CDH8: variants seen among roughly 807,000 people sequenced by gnomAD.
CDH8 encodes cadherin-8.
A neutral mutation model predicts 68.1 loss-of-function variants in CDH8; 17 were observed. That is an observed-to-expected ratio of 0.25 (90% CI 0.17 to 0.37). The LOEUF (loss-of-function observed/expected upper bound fraction) is 0.37, where lower values mean the gene tolerates loss of function less well. Ranked by LOEUF, CDH8 falls within the 10% of genes least tolerant of loss-of-function variation. CDH8 has a pLI of 1.00. For missense variants in CDH8, 763 were observed against 999.3 expected (o/e 0.76, Z 3.19); for synonymous variants, 372 against 365.1 (o/e 1.02, Z -0.21).
intron 8 of CDH8, 59 bp downstream of exon 8, chr16:61,789,287 A>AATAACGTG: frequency 1.4e-6 from 2 of 1,467,402 alleles, no homozygotes; most frequent in East Asian, 2.4e-5. Flanking sequence ...TCACGTTATT[A>AATAACGTG]ATAAGCATAA....
chr16:61,761,735 G>T (rs1206749890), intron 8 of CDH8, among the ~76,000 whole-genome samples: 1 of 152,096 alleles, frequency 6.6e-6, no homozygotes, highest in Non-Finnish European at 1.5e-5. Flanking sequence ...AGGTGCAGTG[G>T]CTCATGTCTG....
At chr16:61,835,271 C>T (rs998070858) in intron 4 of CDH8, among the ~76,000 whole-genome samples, 1 of 151,888 alleles carries the variant, frequency 6.6e-6, no homozygotes, top group African/African-American at 2.4e-5. Flanking sequence ...TACTTCCTTA[C>T]ATGTGAGTTT....
chr16:61,979,220 T>G (rs1965491318), intron 2 of CDH8, among the ~76,000 whole-genome samples: 2 of 152,162 alleles, frequency 1.3e-5, no homozygotes, highest in South Asian at 4.1e-4. Context: ...ATACAGGACT[T>G]TTGGGATTGG....
At chr16:61,929,466 G>A (rs1964506973) in intron 2 of CDH8, among the ~76,000 whole-genome samples, 1 of 152,114 alleles carries the variant, frequency 6.6e-6, no homozygotes, top group South Asian at 2.1e-4. Flanking sequence ...CGCCTACATG[G>A]ATTCGAGATT....
intron 3 of CDH8, among the ~76,000 whole-genome samples, chr16:61,894,080 A>G (rs1353076054): frequency 2.6e-5 from 4 of 152,174 alleles, no homozygotes; most frequent in Non-Finnish European, 5.9e-5. Flanking sequence ...AAAAAAAACT[A>G]TGATGGAGAT....
intron 2 of CDH8, among the ~76,000 whole-genome samples, chr16:61,960,845 T>C (rs566128851): frequency 6.6e-6 from 1 of 152,292 alleles, no homozygotes; most frequent in African/African-American, 2.4e-5. Context: ...AGCTTCAAGA[T>C]TGTTCACCTC....
Position 61,919,297 on chromosome 16 carries a change from G to A in CDH8, c.253-17824C>T, listed in dbSNP as rs1307982259. ...AGGAACGCAGTTCCTCACCAGCAAC[G>A]GAACAAAGCTGGACGGAGAATGACT... is the stretch of plus-strand genomic sequence containing the variant. On this transcript the variant is annotated intron_variant, in intron 2 of 11. Transcript: ENST00000577390. Among the ~76,000 whole-genome samples the A allele has an allele frequency of 4.1e-5, 6 of 147,622 alleles. 1 individual carries two copies. Among genetic ancestry groups the A allele is most frequent in the East Asian group, 2.2e-4 (1 of 4,532 alleles).
chr16:61,881,066 G>A (rs943952485), intron 3 of CDH8, among the ~76,000 whole-genome samples: 10 of 152,040 alleles, frequency 6.6e-5, no homozygotes, highest in Non-Finnish European at 1.0e-4. Flanking sequence ...TTGCCCAGTC[G>A]AGTCCCAGAT....
intron 10 of CDH8, among the ~76,000 whole-genome samples, chr16:61,697,446 C>T (rs972507055): frequency 6.6e-6 from 1 of 151,952 alleles, no homozygotes; most frequent in Non-Finnish European, 1.5e-5. Context: ...CATCTCTTAT[C>T]CACAAACACC....
intron 3 of CDH8, among the ~76,000 whole-genome samples, chr16:61,874,334 C>T (rs535266804): frequency 4.6e-5 from 7 of 151,784 alleles, no homozygotes; most frequent in South Asian, 2.1e-4. Flanking sequence ...TTCTTTTTTT[C>T]GTTTTTTTGT....
intron 2 of CDH8, among the ~76,000 whole-genome samples, chr16:61,995,277 A>C (rs1965789732): frequency 1.3e-5 from 2 of 152,250 alleles, no homozygotes; most frequent in Admixed American, 6.5e-5. Context: ...AATTGTTTAG[A>C]GGCTACTAAA....
At chr16:61,694,896 C>T (rs558029667) in intron 10 of CDH8, among the ~76,000 whole-genome samples, 5 of 152,028 alleles carry the variant, frequency 3.3e-5, no homozygotes, top group Admixed American at 3.3e-4. Flanking sequence ...ATTCTCCTGC[C>T]TCAGCCTCCC....
At chr16:61,858,124 AG>A (rs781101341) in intron 3 of CDH8, among the ~76,000 whole-genome samples, 4 of 151,916 alleles carry the variant, frequency 2.6e-5, no homozygotes, top group African/African-American at 4.8e-5. Flanking sequence ...ACACTCAAAA[AG>A]CTCGCAGTTC....
At chr16:61,807,517 C>A (rs941713706) in intron 7 of CDH8, among the ~76,000 whole-genome samples, 6 of 150,612 alleles carry the variant, frequency 4.0e-5, no homozygotes, top group African/African-American at 1.5e-4. Flanking sequence ...AACAAACAAA[C>A]AAAAAATTCA....
intron 2 of CDH8, among the ~76,000 whole-genome samples, chr16:61,972,468 T>C (rs770932530): frequency 6.6e-6 from 1 of 152,142 alleles, no homozygotes; most frequent in Non-Finnish European, 1.5e-5. Flanking sequence ...AGTGAAAAGT[T>C]GGATAGAGTC....
At chr16:61,774,249 T>G (rs1008487951) in intron 8 of CDH8, among the ~76,000 whole-genome samples, 1 of 151,720 alleles carries the variant, frequency 6.6e-6, no homozygotes, top group African/African-American at 2.4e-5. Context: ...AAAATCAAGG[T>G]TCCAAGATCA....
At chr16:61,692,730 A>C (rs774504632) in intron 10 of CDH8, 4 of 152,152 alleles carry the variant, frequency 2.6e-5, no homozygotes, top group East Asian at 1.9e-4. Flanking sequence ...GAATGCTTTT[A>C]TCTGTTTTTC....
intron 3 of CDH8, among the ~76,000 whole-genome samples, chr16:61,879,142 T>C (rs1963520148): frequency 6.6e-6 from 1 of 152,182 alleles, no homozygotes; most frequent in Non-Finnish European, 1.5e-5. Context: ...TGCTAAGTTA[T>C]TATTCTCATG....
At chr16:61,853,953 T>C (rs1962990783) in intron 4 of CDH8, among the ~76,000 whole-genome samples, 1 of 151,950 alleles carries the variant, frequency 6.6e-6, no homozygotes, top group African/African-American at 2.4e-5. Context: ...TATACATATA[T>C]GTGTATATAT....
Sources: gnomAD v4.1 joint callset for allele counts (sites outside exome capture counted in the v4.1 genomes callset) on GRCh38, gnomAD v4.1.1 for gene constraint, MANE v1.5 for transcripts, NCBI Gene and HGNC (gene_info 2026-07-23, HGNC 2026-07-21) for gene names.